POU2F1: variants seen among roughly 807,000 people sequenced by gnomAD.
The protein encoded by POU2F1 is POU domain, class 2, transcription factor 1.
Under a neutral mutation model 84.9 loss-of-function variants are expected in POU2F1, and 16 were observed. That is an observed-to-expected ratio of 0.19 (90% CI 0.13 to 0.29). The LOEUF (loss-of-function observed/expected upper bound fraction) is 0.29. Among genes scored for constraint, POU2F1 ranks in the 10% least tolerant of loss-of-function variants. The probability of loss-of-function intolerance (pLI) is 1.00; values close to 1 mark genes in which losing one functional copy is unlikely to be tolerated. For synonymous variants in POU2F1, 368 were observed against 368.3 expected (o/e 1.00, Z 0.01); for missense variants, 738 against 942.6 (o/e 0.78, Z 2.84).
intron 1 of POU2F1, among the ~76,000 whole-genome samples, chr1:167,230,046 T>A (rs548994177): frequency 1.3e-5 from 2 of 152,360 alleles, no homozygotes; most frequent in East Asian, 3.8e-4. Flanking sequence ...TTTTAATTTT[T>A]AAAGAAATTT....
intron 1 of POU2F1, chr1:167,329,234 T>C (rs1299378798): frequency 6.5e-7 from 1 of 1,545,114 alleles, no homozygotes; most frequent in Admixed American, 2.0e-5. Flanking sequence ...GCTACCTGTT[T>C]CTTCCTTGTT....
intron 1 of POU2F1, among the ~76,000 whole-genome samples, chr1:167,307,103 A>G (rs1477838938): frequency 2.0e-5 from 3 of 152,178 alleles, no homozygotes; most frequent in African/African-American, 2.4e-5. Context: ...GGGAGATTTT[A>G]TTTTAAATTA....
intron 1 of POU2F1, among the ~76,000 whole-genome samples, chr1:167,286,226 TG>T (rs1653516107): frequency 6.6e-6 from 1 of 152,222 alleles, no homozygotes; most frequent in African/African-American, 2.4e-5. Context: ...CTTGTAACTT[TG>T]ATCTCTTTGC....
chr1:167,240,896 A>G (rs1649849912), intron 1 of POU2F1, among the ~76,000 whole-genome samples: 1 of 152,124 alleles, frequency 6.6e-6, no homozygotes, highest in Admixed American at 6.5e-5. Flanking sequence ...TAATCCCAGC[A>G]CATTGGGAGG....
At position 167,422,191 on chromosome 1, in the gene POU2F1, G is replaced by C. The variant is rs1033900640; in HGVS notation, c.*6381G>C. Reference sequence around the variant, plus strand: ...CCTCTCCTAATGATTCATTACCTCTGTACATAGCAAAAGCATAGGCAAAGG... The same window carrying C: ...CCTCTCCTAATGATTCATTACCTCTCTACATAGCAAAAGCATAGGCAAAGG... On this transcript the variant is annotated 3_prime_UTR_variant, in exon 16 of 16. Transcript: ENST00000367866. The C allele has an allele frequency of 6.6e-6, 1 of 152,164 alleles. No homozygotes were observed. The highest frequency in any genetic ancestry group is 2.4e-5 in the African/African-American group (1 of 41,414). 9.4% of individuals were successfully genotyped at this position (152,164 alleles called of 1,614,324 possible). A position where few individuals can be genotyped will look rare whatever the true frequency, so the allele number is the denominator to read the frequency against.
At chr1:167,257,330 T>A (rs1033241361) in intron 1 of POU2F1, among the ~76,000 whole-genome samples, 4 of 152,222 alleles carry the variant, frequency 2.6e-5, no homozygotes, top group Non-Finnish European at 5.9e-5. Flanking sequence ...TTATTTGCTC[T>A]ATGAAAAGTA....
chr1:167,340,431 CTTTTTT>C (rs761386225), intron 2 of POU2F1, among the ~76,000 whole-genome samples: 3 of 122,324 alleles, frequency 2.5e-5, no homozygotes, highest in Non-Finnish European at 5.0e-5. Flanking sequence ...TTCTTTTTTT[CTTTTTT>C]TTTTTTTTTT....
chr1:167,244,303 T>A (rs1650144272), intron 1 of POU2F1, among the ~76,000 whole-genome samples: 1 of 152,064 alleles, frequency 6.6e-6, no homozygotes, highest in African/African-American at 2.4e-5. Context: ...ATCTGAAGGT[T>A]CAACTGGGGA....
chr1:167,274,412 C>G (rs1652578165), intron 1 of POU2F1, among the ~76,000 whole-genome samples: 3 of 152,154 alleles, frequency 2.0e-5, no homozygotes, highest in Admixed American at 2.0e-4. Context: ...TATCTAATAT[C>G]TTCCTTTCCT....
chr1:167,297,955 A>G (rs1654402485), intron 1 of POU2F1, among the ~76,000 whole-genome samples: 1 of 151,948 alleles, frequency 6.6e-6, no homozygotes, highest in Non-Finnish European at 1.5e-5. Flanking sequence ...CCCCGTCTCT[A>G]CTAAAAAAAA....
intron 2 of POU2F1, among the ~76,000 whole-genome samples, chr1:167,339,020 C>A (rs1464342330): frequency 1.3e-5 from 2 of 152,076 alleles, no homozygotes; most frequent in African/African-American, 4.8e-5. Context: ...GTTGTAAGTG[C>A]TTTATTTCTT....
intron 1 of POU2F1, among the ~76,000 whole-genome samples, chr1:167,240,929 G>A (rs375972564): frequency 1.7e-3 from 257 of 152,206 alleles, no homozygotes; most frequent in African/African-American, 6.0e-3. Flanking sequence ...GATTACCTGA[G>A]GTTGGGAGTT....
intron 2 of POU2F1, among the ~76,000 whole-genome samples, chr1:167,339,813 T>C (rs898029593): frequency 5.3e-5 from 8 of 152,250 alleles, no homozygotes; most frequent in African/African-American, 1.7e-4. Flanking sequence ...TACAAATTAA[T>C]TTACTATAAA....
chr1:167,256,607 A>G (rs1651160668), intron 1 of POU2F1, among the ~76,000 whole-genome samples: 1 of 152,228 alleles, frequency 6.6e-6, no homozygotes, highest in African/African-American at 2.4e-5. Flanking sequence ...AGTAGAATTC[A>G]GATCTCAGAA....
intron 2 of POU2F1, among the ~76,000 whole-genome samples, chr1:167,343,916 G>C (rs1298755943): frequency 2.0e-5 from 3 of 151,834 alleles, no homozygotes; most frequent in Non-Finnish European, 4.4e-5. Flanking sequence ...AGAGGTGTAA[G>C]AGTCTTTAAC....
intron 2 of POU2F1, among the ~76,000 whole-genome samples, chr1:167,348,833 G>A (rs919834912): frequency 2.0e-5 from 3 of 152,102 alleles, no homozygotes; most frequent in Non-Finnish European, 4.4e-5. Flanking sequence ...AAAACTCTTT[G>A]TACCTTTCTA....
chr1:167,221,828 G>C (rs560425536), intron 1 of POU2F1, among the ~76,000 whole-genome samples: 290 of 152,036 alleles, frequency 1.9e-3, no homozygotes, highest in African/African-American at 6.7e-3. Context: ...GCCCCCCCTG[G>C]GGGGTGGACT....
At position 167,410,025 on chromosome 1, in the gene POU2F1, C is replaced by G. The variant is rs548930957; in HGVS notation, c.1556-1934C>G. 3.3e-5 allele frequency among the ~76,000 whole-genome samples: 5 copies of G among 152,288 alleles called. 1 individual carries two copies. Among genetic ancestry groups the G allele is most frequent in the African/African-American group, 1.2e-4 (5 of 41,546 alleles). On this transcript the variant is annotated intron_variant, in intron 13 of 15. Transcript: ENST00000367866. ...TGAATCTGCCTAACACAGGACCCTA[C>G]ACAGCATCCAGTGTTCAGTGGTTGA...
intron 1 of POU2F1, among the ~76,000 whole-genome samples, chr1:167,234,119 A>C (rs1649276539): frequency 6.6e-6 from 1 of 152,202 alleles, no homozygotes; most frequent in Non-Finnish European, 1.5e-5. Context: ...GGCCAGTGGA[A>C]TGATGAAGCA....
Sources: gnomAD v4.1 joint callset for allele counts (sites outside exome capture counted in the v4.1 genomes callset) on GRCh38, gnomAD v4.1.1 for gene constraint, MANE v1.5 for transcripts, NCBI Gene and HGNC (gene_info 2026-07-23, HGNC 2026-07-21) for gene names.